Variants in FRYL observed in about 807,000 individuals in gnomAD.
The protein encoded by FRYL is FRY like transcription coactivator.
Under a neutral mutation model 351.2 loss-of-function variants are expected in FRYL, and 150 were observed. That is an observed-to-expected ratio of 0.43 (90% CI 0.37 to 0.49). FRYL has a LOEUF of 0.49. Among genes scored for constraint, FRYL ranks in the 20% least tolerant of loss-of-function variants. FRYL has a pLI of 0.00. For synonymous variants in FRYL, 1,153 were observed against 1,257.1 expected (o/e 0.92, Z 1.75); for missense variants, 3,036 against 3,619.3 (o/e 0.84, Z 4.13).
intron 18 of FRYL, among the ~76,000 whole-genome samples, chr4:48,587,359 T>C (rs1372024693): frequency 1.3e-5 from 2 of 152,246 alleles, no homozygotes; most frequent in East Asian, 3.9e-4. Context: ...TTCTTCTAGT[T>C]ATTCAATAAT....
chr4:48,596,482 G>T (rs1182742113), intron 13 of FRYL, among the ~76,000 whole-genome samples: 1 of 152,014 alleles, frequency 6.6e-6, no homozygotes, highest in African/African-American at 2.4e-5. Flanking sequence ...GAGTGAATAG[G>T]GAGTTAAGAG....
intron 13 of FRYL, among the ~76,000 whole-genome samples, chr4:48,596,870 C>T (rs563601186): frequency 6.2e-5 from 9 of 145,532 alleles, no homozygotes; most frequent in South Asian, 4.3e-4. Flanking sequence ...TTTTTTTTTA[C>T]GGAGAAACTC....
chr4:48,608,336 T>A (rs942506479), intron 9 of FRYL, among the ~76,000 whole-genome samples: 1 of 152,172 alleles, frequency 6.6e-6, no homozygotes, highest in African/African-American at 2.4e-5. Flanking sequence ...TTCAAACACA[T>A]CTAAGAAAAT....
At chr4:48,710,432 T>C (rs915341968) in intron 2 of FRYL, 87 bp downstream of exon 2, 2 of 398,080 alleles carry the variant, frequency 5.0e-6, no homozygotes, top group African/African-American at 4.1e-5. Context: ...AGATTTGATT[T>C]AGAAAAATCA....
intron 2 of FRYL, among the ~76,000 whole-genome samples, chr4:48,696,695 A>G (rs767392856): frequency 1.1e-4 from 16 of 152,100 alleles, no homozygotes; most frequent in Admixed American, 2.6e-4. Context: ...AAAGTATAAT[A>G]AAATATATAT....
chr4:48,683,321 T>C (rs1031769178), intron 3 of FRYL, among the ~76,000 whole-genome samples: 2 of 151,818 alleles, frequency 1.3e-5, no homozygotes, highest in African/African-American at 4.8e-5. Flanking sequence ...CTAATGTAGA[T>C]GATGGGTTGA....
chr4:48,514,005 G>T (rs1316905083), intron 56 of FRYL, among the ~76,000 whole-genome samples: 2 of 152,140 alleles, frequency 1.3e-5, no homozygotes, highest in Non-Finnish European at 2.9e-5. Flanking sequence ...TATGAAAAAG[G>T]TGTATCACTA....
At chr4:48,611,453 G>A (rs758928427) in intron 7 of FRYL, among the ~76,000 whole-genome samples, 21 of 152,150 alleles carry the variant, frequency 1.4e-4, no homozygotes, top group Non-Finnish European at 2.4e-4. Flanking sequence ...GGCCCTGACT[G>A]TGTGGGTCTA....
intron 3 of FRYL, among the ~76,000 whole-genome samples, chr4:48,675,388 A>G (rs2149519992): frequency 6.6e-6 from 1 of 152,330 alleles, no homozygotes; most frequent in Non-Finnish European, 1.5e-5. Flanking sequence ...CTTGCGGGCC[A>G]GCTGGAGTTC....
At chr4:48,510,179 T>C (rs1374444939) in intron 58 of FRYL, 22 bp from the exon 59 acceptor site, 6 of 1,536,876 alleles carry the variant, frequency 3.9e-6, no homozygotes, top group South Asian at 3.4e-5. Flanking sequence ...GAAGTATTGA[T>C]CCAGGTTACC....
chr4:48,754,423 C>T (rs372450961), intron 1 of FRYL, among the ~76,000 whole-genome samples: 18 of 152,108 alleles, frequency 1.2e-4, no homozygotes, highest in Admixed American at 3.9e-4. Flanking sequence ...TTTTAGCTAA[C>T]GTAAATAAGG....
intron 47 of FRYL, among the ~76,000 whole-genome samples, chr4:48,536,200 T>C (rs766647302): frequency 9.9e-5 from 15 of 152,158 alleles, no homozygotes; most frequent in Non-Finnish European, 2.1e-4. Flanking sequence ...CAGATATAAC[T>C]AGGGAATTCT....
In FRYL at chr4:48,527,666, T is replaced by A. The variant is rs1726549336; in HGVS notation, c.7141-13A>T. ...AAGAAAATACAACCTGATGCCCGAT[T>A]AAAAAAAAAAAAAAAGTCCATCCAT... is the stretch of plus-strand genomic sequence containing the variant. On this transcript the variant is annotated splice_polypyrimidine_tract_variant and intron_variant, in intron 52 of 63. Transcript: ENST00000358350. 2.4e-6 allele frequency: 3 copies of A among 1,263,542 alleles called. No individual in the cohort carries two copies. Among genetic ancestry groups the A allele is most frequent in the Admixed American group, 4.6e-5 (2 of 43,092 alleles). 78.3% of individuals were successfully genotyped at this position (1,263,542 alleles called of 1,614,324 possible). A position where few individuals can be genotyped will look rare whatever the true frequency, so the allele number is the denominator to read the frequency against.
chr4:48,600,107 A>C (rs1745408831), intron 13 of FRYL, among the ~76,000 whole-genome samples: 1 of 144,968 alleles, frequency 6.9e-6, no homozygotes, highest in Non-Finnish European at 1.5e-5. Flanking sequence ...ACTTCATCTC[A>C]AAAAAAAAAA....
rs1408985071 is a variant in FRYL at position 48,645,125 on chromosome 4, TA to T, written c.-80-10636del. 3.0e-3 allele frequency among the ~76,000 whole-genome samples: 18 copies of T among 6,032 alleles called. 1 individual carries two copies. The South Asian group carries it at 0.12, about 39-fold the overall frequency. 4.0% of individuals were successfully genotyped at this position (6,032 alleles called of 152,430 possible). On this transcript the variant is annotated intron_variant, in intron 3 of 63. Transcript: ENST00000358350. ...TTAAACCAGCAGTGAGCTTTCATTT[TA>T]TATATATATATATATATATATATAT...
At chr4:48,580,982 A>T (rs765687890) in intron 21 of FRYL, 31 bp from the exon 22 acceptor site, 11 of 1,462,788 alleles carry the variant, frequency 7.5e-6, no homozygotes, top group Non-Finnish European at 1.0e-5. Flanking sequence ...GTCTAAAAAA[A>T]TTAGGAATGT....
At chr4:48,642,980 A>T (rs1476616782) in intron 3 of FRYL, among the ~76,000 whole-genome samples, 1 of 152,158 alleles carries the variant, frequency 6.6e-6, no homozygotes, top group Admixed American at 6.5e-5. Flanking sequence ...TGCTACCATG[A>T]GTATGTGTAA....
intron 3 of FRYL, among the ~76,000 whole-genome samples, chr4:48,662,849 T>C (rs572767670): frequency 4.0e-5 from 6 of 150,946 alleles, no homozygotes; most frequent in African/African-American, 7.3e-5. Context: ...ATAAAACTAC[T>C]GACCCAGAAT....
chr4:48,525,952 T>G (rs776736523), intron 53 of FRYL, among the ~76,000 whole-genome samples: 1 of 150,672 alleles, frequency 6.6e-6, no homozygotes, highest in African/African-American at 2.4e-5. Flanking sequence ...TACATGAGAG[T>G]TGATGAATGT....
Sources: allele counts gnomAD v4.1 joint callset (sites outside exome capture counted in the v4.1 genomes callset), GRCh38; gene constraint gnomAD v4.1.1; transcripts MANE v1.5; gene names NCBI Gene and HGNC (gene_info 2026-07-23, HGNC 2026-07-21).